Variants in DIP2B observed in about 807,000 individuals in gnomAD.
DIP2B encodes the protein disco-interacting protein 2 homolog B.
Under a neutral mutation model 198.0 loss-of-function variants are expected in DIP2B, and 76 were observed. The observed-to-expected ratio is 0.38, with a 90% CI of 0.32 to 0.46. The LOEUF is 0.46. DIP2B is among the 20% of genes least tolerant of loss of function. DIP2B has a pLI of 0.99. For missense variants in DIP2B, 1,559 were observed against 1,978.4 expected (o/e 0.79, Z 4.02); for synonymous variants, 701 against 739.1 (o/e 0.95, Z 0.84).
Position 50,739,820 on chromosome 12 carries a change from G to C in DIP2B, c.4354+234G>C, listed in dbSNP as rs114475066. ...AGCATCCCGAGCTGTGAGTCAGAGAGATGTGCCTGATGGCAAGTGAGCGTC... is the reference window on the plus strand; with the variant it reads ...AGCATCCCGAGCTGTGAGTCAGAGACATGTGCCTGATGGCAAGTGAGCGTC... On this transcript the variant is annotated intron_variant, in intron 36 of 37. Coordinates refer to ENST00000301180, the MANE Select transcript of DIP2B (RefSeq NM_173602.3). 2.9e-3 allele frequency among the ~76,000 whole-genome samples: 448 copies of C among 152,362 alleles called. 5 individuals carry two copies. Among genetic ancestry groups the C allele is most frequent in the African/African-American group, 0.01 (425 of 41,588 alleles).
chr12:50,629,305 A>G (rs1247901333), intron 2 of DIP2B, among the ~76,000 whole-genome samples: 1 of 152,096 alleles, frequency 6.6e-6, no homozygotes, highest in Non-Finnish European at 1.5e-5. Flanking sequence ...TTCTCACTCC[A>G]TATCAGTGGT....
chr12:50,705,644 G>A (rs548356962), intron 20 of DIP2B, among the ~76,000 whole-genome samples: 2 of 152,356 alleles, frequency 1.3e-5, no homozygotes, highest in South Asian at 4.1e-4. Context: ...ATGGAGAAAT[G>A]GACATTGAAG....
intron 1 of DIP2B, among the ~76,000 whole-genome samples, chr12:50,528,819 G>A (rs138073863): frequency 6.6e-6 from 1 of 152,304 alleles, no homozygotes; most frequent in African/African-American, 2.4e-5. Flanking sequence ...AGGAGAGTTG[G>A]GGGCCAGGAA....
chr12:50,614,230 C>T (rs1261332666), intron 1 of DIP2B, among the ~76,000 whole-genome samples: 1 of 152,026 alleles, frequency 6.6e-6, no homozygotes, highest in Non-Finnish European at 1.5e-5. Flanking sequence ...TTTTTTGATC[C>T]TTATTTTATA....
intron 9 of DIP2B, among the ~76,000 whole-genome samples, chr12:50,681,329 G>T (rs1488933175): frequency 6.6e-6 from 1 of 152,002 alleles, no homozygotes; most frequent in Admixed American, 6.5e-5. Context: ...CCAGCTACTC[G>T]GGAGGTTAAG....
At chr12:50,582,816 G>A (rs1958737291) in intron 1 of DIP2B, among the ~76,000 whole-genome samples, 2 of 152,212 alleles carry the variant, frequency 1.3e-5, no homozygotes, top group South Asian at 4.2e-4. Flanking sequence ...CTAGTCAGTG[G>A]TCGTGTTTCC....
intron 14 of DIP2B, among the ~76,000 whole-genome samples, chr12:50,694,017 T>G (rs1357887847): frequency 6.6e-6 from 1 of 152,102 alleles, no homozygotes; most frequent in Non-Finnish European, 1.5e-5. Context: ...CTCAACACCT[T>G]CAGCTTTATC....
chr12:50,590,171 T>A (rs566400197), intron 1 of DIP2B, among the ~76,000 whole-genome samples: 20 of 151,906 alleles, frequency 1.3e-4, no homozygotes, highest in South Asian at 1.0e-3. Context: ...TTTTTTTTTT[T>A]AATTTTATGT....
chr12:50,698,618 T>G, intron 18 of DIP2B, 151 bp downstream of exon 18: 1 of 970,374 alleles, frequency 1.0e-6, no homozygotes, highest in Non-Finnish European at 1.4e-6. Flanking sequence ...GTTAAGTCAT[T>G]ATAATTATGC....
intron 3 of DIP2B, among the ~76,000 whole-genome samples, chr12:50,654,381 G>C (rs1938518299): frequency 2.0e-5 from 3 of 149,188 alleles, no homozygotes. Flanking sequence ...TAAAGATAGA[G>C]TGTAACTCTG....
At chr12:50,523,491 A>G (rs892839271) in intron 1 of DIP2B, among the ~76,000 whole-genome samples, 6 of 152,318 alleles carry the variant, frequency 3.9e-5, no homozygotes, top group African/African-American at 1.2e-4. Context: ...AGACTGATAT[A>G]TATAAATTTA....
intron 1 of DIP2B, among the ~76,000 whole-genome samples, chr12:50,593,072 T>G (rs545527958): frequency 6.6e-6 from 1 of 152,328 alleles, no homozygotes; most frequent in African/African-American, 2.4e-5. Flanking sequence ...GAGCTAAACT[T>G]AAGTTTATGC....
chr12:50,714,605 CT>C lies in DIP2B; in HGVS notation c.2851+10del, dbSNP rs1565879935. On this transcript the variant is annotated intron_variant, in intron 23 of 37. Transcript: ENST00000301180. ...CCGGCAAAAACAACCAGGTAATATGCTGGCTTCCAAGACCTGGCACTAAAAT... is the reference window on the plus strand; with the variant it reads ...CCGGCAAAAACAACCAGGTAATATGCGGCTTCCAAGACCTGGCACTAAAAT... 2 of 1,613,832 alleles carry C rather than the reference CT, an allele frequency of 1.2e-6. No homozygotes were observed. Among genetic ancestry groups the C allele is most frequent in the South Asian group, 1.1e-5 (1 of 91,078 alleles).
chr12:50,540,064 T>TTG (rs1958307531), intron 1 of DIP2B, among the ~76,000 whole-genome samples: 1 of 76,038 alleles, frequency 1.3e-5, no homozygotes, highest in African/African-American at 4.0e-5. Context: ...TTTTTTTTTT[T>TTG]TTTTTTTTTT....
Position 50,691,077 on chromosome 12 carries a change from T to C in DIP2B, c.1580T>C (p.Met527Thr). The change falls in exon 13 of 38, where the codon ATG becomes ACG. Residue 527 changes from methionine (M) to threonine (T), a missense_variant. Transcript: ENST00000301180. The part of the protein sequence containing the change: ...EYKTSKEGSV[M>T]GVTVSRLAML... Reference sequence around the variant, plus strand: ...AAAACAAGCAAAGAAGGGAGTGTAATGGGAGTTACAGTATCCCGGCTTGCA... The same window carrying C: ...AAAACAAGCAAAGAAGGGAGTGTAACGGGAGTTACAGTATCCCGGCTTGCA... 3 of 1,614,138 alleles carry C rather than the reference T, an allele frequency of 1.9e-6. No individual in the cohort carries two copies. In the South Asian group the frequency reaches 3.3e-5, roughly 18 times the overall value.
intron 1 of DIP2B, among the ~76,000 whole-genome samples, chr12:50,589,701 G>A (rs573604646): frequency 3.9e-4 from 59 of 152,198 alleles, no homozygotes; most frequent in African/African-American, 1.3e-3. Flanking sequence ...GTGGGAGATC[G>A]GGACCATTGA....
intron 21 of DIP2B, among the ~76,000 whole-genome samples, chr12:50,707,067 T>C (rs1160394924): frequency 7.9e-5 from 12 of 152,226 alleles, no homozygotes; most frequent in Admixed American, 7.9e-4. Context: ...GTTTCTCTTG[T>C]TTCTAATTAA....
chr12:50,689,360 G>A (rs1004319515), intron 12 of DIP2B, among the ~76,000 whole-genome samples: 3 of 152,238 alleles, frequency 2.0e-5, no homozygotes, highest in Admixed American at 1.3e-4. Context: ...CAGCCTGAGC[G>A]AGACTCTGTC....
At chr12:50,680,329 T>A in intron 8 of DIP2B, 1 of 158,114 alleles carries the variant, frequency 6.3e-6, no homozygotes, top group Non-Finnish European at 1.3e-5. Flanking sequence ...TAATTAAAAA[T>A]ATTGTTTTCC....
Sources: allele counts gnomAD v4.1 joint callset (sites outside exome capture counted in the v4.1 genomes callset), GRCh38; gene constraint gnomAD v4.1.1; transcripts MANE v1.5; gene names NCBI Gene and HGNC (gene_info 2026-07-23, HGNC 2026-07-21).